LZTS1: variants seen among roughly 807,000 people sequenced by gnomAD.
The protein encoded by LZTS1 is leucine zipper putative tumor suppressor 1.
Under a neutral mutation model 45.8 loss-of-function variants are expected in LZTS1, and 31 were observed. The observed-to-expected ratio is 0.68, with a 90% CI of 0.51 to 0.91. LZTS1 has a LOEUF of 0.91. Ranked by LOEUF, LZTS1 falls within the 40% of genes least tolerant of loss-of-function variation. LZTS1 has a pLI of 0.00. For missense variants in LZTS1, 821 were observed against 788.9 expected, an observed-to-expected ratio of 1.04 and a Z score of -0.49; for synonymous variants, 359 against 357.3, an observed-to-expected ratio of 1.00 and a Z score of -0.05.
chr8:20,297,816 G>A (rs955758528), intron 1 of LZTS1, among the ~76,000 whole-genome samples: 1 of 152,126 alleles, frequency 6.6e-6, no homozygotes, highest in South Asian at 2.1e-4. Flanking sequence ...AGGAAGATTC[G>A]AATGCCCTCA....
chr8:20,266,375 T>C (rs1396689432), intron 1 of LZTS1, among the ~76,000 whole-genome samples: 1 of 152,162 alleles, frequency 6.6e-6, no homozygotes, highest in Non-Finnish European at 1.5e-5. Context: ...GCACAGGGAC[T>C]ACTGACCTAG....
At chr8:20,263,218 T>G (rs996080300) in intron 1 of LZTS1, among the ~76,000 whole-genome samples, 2 of 152,100 alleles carry the variant, frequency 1.3e-5, no homozygotes, top group Non-Finnish European at 2.9e-5. Context: ...CGCCTTGAAC[T>G]TGGAAGCAGG....
chr8:20,257,668 C>CT lies in LZTS1; in HGVS notation c.-134-2354dup, dbSNP rs749462919. Among the ~76,000 whole-genome samples, 725 of 129,118 alleles carry CT rather than the reference C, an allele frequency of 5.6e-3. 3 individuals are homozygous for CT. The highest frequency in any genetic ancestry group is 0.027 in the South Asian group (104 of 3,796). 84.7% of individuals were successfully genotyped at this position (129,118 alleles called of 152,430 possible). A position where few individuals can be genotyped will look rare whatever the true frequency, so the allele number is the denominator to read the frequency against. Reference sequence around the variant, plus strand: ...AAACTAATTCTAAGACACCCTTAAACTTTTTTTTTTTTTTTTTTTGAGATA... The same window carrying CT: ...AAACTAATTCTAAGACACCCTTAAACTTTTTTTTTTTTTTTTTTTTGAGATA... On this transcript the variant is annotated intron_variant, in intron 1 of 3. Transcript: ENST00000381569.
At chr8:20,283,245 A>C (rs950116171) in intron 1 of LZTS1, among the ~76,000 whole-genome samples, 1 of 152,178 alleles carries the variant, frequency 6.6e-6, no homozygotes, top group Admixed American at 6.5e-5. Context: ...TTAGTGACCA[A>C]TGTGACGGTA....
At position 20,266,977 on chromosome 8, in the gene LZTS1, G is replaced by A. The variant is rs543968762; in HGVS notation, c.-134-11662C>T. Reference sequence around the variant, plus strand: ...ACAAAAATTAGCCAGGCATGGTGGCGCGCACCTGTAGTCCCAGCCACTCAG... The same window carrying A: ...ACAAAAATTAGCCAGGCATGGTGGCACGCACCTGTAGTCCCAGCCACTCAG... On this transcript the variant is annotated intron_variant, in intron 1 of 3. Coordinates refer to ENST00000381569, the MANE Select transcript of LZTS1 (RefSeq NM_021020.5). Among the ~76,000 whole-genome samples, 359 of 151,932 alleles carry A rather than the reference G, an allele frequency of 2.4e-3. 1 individual carries two copies. Among genetic ancestry groups the A allele is most frequent in the African/African-American group, 8.5e-3 (351 of 41,436 alleles).
At chr8:20,275,485 G>T (rs1267447537) in intron 1 of LZTS1, among the ~76,000 whole-genome samples, 1 of 151,882 alleles carries the variant, frequency 6.6e-6, no homozygotes, top group Non-Finnish European at 1.5e-5. Flanking sequence ...CTTTCCTGCA[G>T]ACCCCAGAGA....
chr8:20,297,050 C>T (rs1563902866), intron 1 of LZTS1, among the ~76,000 whole-genome samples: 1 of 152,114 alleles, frequency 6.6e-6, no homozygotes. Context: ...ATGCTCCATC[C>T]AATTCTCTTC....
chr8:20,286,028 C>A (rs1043931878), intron 1 of LZTS1, among the ~76,000 whole-genome samples: 1 of 152,150 alleles, frequency 6.6e-6, no homozygotes, highest in African/African-American at 2.4e-5. Flanking sequence ...GATACAAATG[C>A]AAAAGGTTAA....
chr8:20,303,354 G>A (rs1177792488), intron 1 of LZTS1, among the ~76,000 whole-genome samples: 3 of 152,106 alleles, frequency 2.0e-5, no homozygotes, highest in Non-Finnish European at 4.4e-5. Context: ...TGCGGCCCCT[G>A]CTCCTGCGGC....
intron 1 of LZTS1, among the ~76,000 whole-genome samples, chr8:20,281,169 G>A (rs1800684662): frequency 6.6e-6 from 1 of 152,190 alleles, no homozygotes; most frequent in Admixed American, 6.5e-5. Flanking sequence ...TCATTTGGAT[G>A]TTTGTCCCCT....
At chr8:20,292,015 G>A (rs1182968587) in intron 1 of LZTS1, among the ~76,000 whole-genome samples, 1 of 152,234 alleles carries the variant, frequency 6.6e-6, no homozygotes, top group Non-Finnish European at 1.5e-5. Context: ...GGGTGGAGGT[G>A]TTTCCTGAGG....
intron 1 of LZTS1, among the ~76,000 whole-genome samples, chr8:20,285,216 T>C (rs2128897943): frequency 6.6e-6 from 1 of 152,208 alleles, no homozygotes; most frequent in East Asian, 1.9e-4. Flanking sequence ...CTCCTTTTAC[T>C]CATCATGAAA....
At chr8:20,273,949 A>G (rs1021736517) in intron 1 of LZTS1, among the ~76,000 whole-genome samples, 2 of 151,774 alleles carry the variant, frequency 1.3e-5, no homozygotes, top group Non-Finnish European at 2.9e-5. Context: ...CCCGCCCTCT[A>G]TTCTGAGACT....
chr8:20,286,745 A>G (rs888752966), intron 1 of LZTS1, among the ~76,000 whole-genome samples: 2 of 152,368 alleles, frequency 1.3e-5, no homozygotes, highest in Non-Finnish European at 1.5e-5. Context: ...ATGCCTATGC[A>G]CAGTAGAATG....
chr8:20,299,964 C>T (rs781235658), intron 1 of LZTS1, among the ~76,000 whole-genome samples: 8 of 152,204 alleles, frequency 5.3e-5, no homozygotes, highest in Non-Finnish European at 8.8e-5. Context: ...AACCATGTGG[C>T]GGCTCAAAGT....
intron 1 of LZTS1, among the ~76,000 whole-genome samples, chr8:20,292,659 TC>T (rs780452801): frequency 3.9e-5 from 6 of 152,190 alleles, no homozygotes; most frequent in Non-Finnish European, 7.4e-5. Flanking sequence ...GGGAGGAAAA[TC>T]CACCAGGACT....
At chr8:20,286,186 C>T (rs951870955) in intron 1 of LZTS1, among the ~76,000 whole-genome samples, 8 of 152,164 alleles carry the variant, frequency 5.3e-5, no homozygotes, top group African/African-American at 1.9e-4. Context: ...AAGGTCTCAA[C>T]TTGGAATGAA....
chr8:20,259,261 A>C (rs1435318513), intron 1 of LZTS1, among the ~76,000 whole-genome samples: 2 of 152,172 alleles, frequency 1.3e-5, no homozygotes, highest in East Asian at 1.9e-4. Context: ...TAGGAACATT[A>C]GGGAGCCGAA....
chr8:20,284,754 C>T (rs1299426364), intron 1 of LZTS1, among the ~76,000 whole-genome samples: 5 of 152,036 alleles, frequency 3.3e-5, no homozygotes, highest in Non-Finnish European at 5.9e-5. Flanking sequence ...CCAAGGCAGC[C>T]GGCTTACCTC....
Sources: gnomAD v4.1 joint callset for allele counts (sites outside exome capture counted in the v4.1 genomes callset) on GRCh38, gnomAD v4.1.1 for gene constraint, MANE v1.5 for transcripts, NCBI Gene and HGNC (gene_info 2026-07-23, HGNC 2026-07-21) for gene names.